FAT3: variants seen among roughly 807,000 people sequenced by gnomAD.
FAT3 encodes protocadherin Fat 3.
Under a neutral mutation model 310.2 loss-of-function variants are expected in FAT3, and 95 were observed. The observed-to-expected ratio is 0.31, with a 90% CI of 0.26 to 0.36. FAT3 has a LOEUF of 0.36. FAT3 is among the 10% of genes least tolerant of loss of function. The probability of loss-of-function intolerance (pLI) is 1.00; values close to 1 mark genes in which losing one functional copy is unlikely to be tolerated. For synonymous variants in FAT3, 2,314 were observed against 2,192.9 expected, an observed-to-expected ratio of 1.06 and a Z score of -1.54; for missense variants, 5,408 against 5,715.6, an observed-to-expected ratio of 0.95 and a Z score of 1.74.
chr11:92,480,713 G>C (rs1395160302), intron 2 of FAT3, among the ~76,000 whole-genome samples: 2 of 152,136 alleles, frequency 1.3e-5, no homozygotes, highest in African/African-American at 4.8e-5. Context: ...TTTTTTGTGT[G>C]ACTGTAAGTG....
intron 4 of FAT3, among the ~76,000 whole-genome samples, chr11:92,706,039 G>T (rs537174462): frequency 3.3e-5 from 5 of 151,780 alleles, no homozygotes; most frequent in African/African-American, 1.2e-4. Flanking sequence ...AGTGGTGGCA[G>T]TGGTGATGAT....
intron 1 of FAT3, among the ~76,000 whole-genome samples, chr11:92,257,243 C>T (rs1369291326): frequency 6.6e-6 from 1 of 152,074 alleles, no homozygotes. Context: ...CTAGGATTGT[C>T]TTGTCTCCTT....
In FAT3 at chr11:92,354,266, T is replaced by C. The variant is rs982502822; in HGVS notation, c.2154T>C (p.Ile718=). 1.1e-5 allele frequency: 17 copies of C among 1,613,612 alleles called. No homozygotes were observed. Among genetic ancestry groups the C allele is most frequent in the Non-Finnish European group, 1.4e-5 (17 of 1,179,858 alleles). The part of the protein sequence containing the change: ...LEDGFLDFYS[I]NRQGPYFDKS... ...ATGGATTTCTTGACTTTTATTCAAT[T>C]AATAGACAGGGACCATATTTTGACA... The change falls in exon 2 of 28, where the codon ATT becomes ATC. Residue 718 remains isoleucine (I), a synonymous_variant. Transcript: ENST00000525166.
intron 13 of FAT3, among the ~76,000 whole-genome samples, chr11:92,829,852 T>C (rs1164038217): frequency 6.6e-6 from 1 of 152,230 alleles, no homozygotes; most frequent in African/African-American, 2.4e-5. Flanking sequence ...GTTGACCTTT[T>C]GGTTAAAGCC....
chr11:92,388,067 A>C (rs1456528857), intron 2 of FAT3, among the ~76,000 whole-genome samples: 2 of 152,210 alleles, frequency 1.3e-5, no homozygotes, highest in Non-Finnish European at 1.5e-5. Context: ...GGCAGCATTT[A>C]GAAGCAGAGA....
rs1484010466 is a variant in FAT3, at chr11:92,890,964, T to C, written c.13621T>C (p.Ser4541Pro). 1.9e-6 allele frequency: 3 copies of C among 1,613,838 alleles called. No individual in the cohort carries two copies. In the African/African-American group the frequency reaches 4.0e-5, roughly 22 times the overall value. The change falls in exon 28 of 28, where the codon TCC becomes CCC. Residue 4541 changes from serine (S) to proline (P), a missense_variant. By Grantham distance (74) the Ser-to-Pro change is moderately conservative. This residue lies in a region of FAT3 where 649 missense variants were observed against 666.2 expected (regional missense o/e 0.97). Coordinates refer to ENST00000525166, the MANE Select transcript of FAT3 (RefSeq NM_001367949.2). ...CAGCGTGTCTCTGTCCTTGCACAATTCCAGAGGCACCTCATCCTCGGATGT... is the reference window on the plus strand; with the variant it reads ...CAGCGTGTCTCTGTCCTTGCACAATCCCAGAGGCACCTCATCCTCGGATGT... ...ADSVSLSLHN[S>P]RGTSSSDVSA...
chr11:92,271,545 A>C (rs1044733647), intron 1 of FAT3, among the ~76,000 whole-genome samples: 2 of 152,136 alleles, frequency 1.3e-5, no homozygotes, highest in Non-Finnish European at 2.9e-5. Context: ...TCTGTCTTCT[A>C]CTGCACAAGC....
At chr11:92,460,284 T>C (rs889183319) in intron 2 of FAT3, among the ~76,000 whole-genome samples, 1 of 152,210 alleles carries the variant, frequency 6.6e-6, no homozygotes, top group Non-Finnish European at 1.5e-5. Flanking sequence ...TGTGTTTTTA[T>C]TTTCTAGTGA....
intron 3 of FAT3, among the ~76,000 whole-genome samples, chr11:92,631,063 T>G (rs1004208077): frequency 6.6e-6 from 1 of 152,226 alleles, no homozygotes; most frequent in Non-Finnish European, 1.5e-5. Context: ...AATTTTGATA[T>G]TTATTTCCCT....
intron 2 of FAT3, among the ~76,000 whole-genome samples, chr11:92,431,453 C>T (rs1477578196): frequency 1.3e-5 from 2 of 152,122 alleles, no homozygotes; most frequent in East Asian, 3.9e-4. Context: ...TTCTCCTATT[C>T]TGTAGGTTGC....
intron 3 of FAT3, among the ~76,000 whole-genome samples, chr11:92,685,724 T>TATTC (rs1400536072): frequency 3.3e-5 from 5 of 152,016 alleles, no homozygotes; most frequent in Admixed American, 3.3e-4. Context: ...TCTTAAAAGG[T>TATTC]ATTCCTTTAA....
intron 2 of FAT3, among the ~76,000 whole-genome samples, chr11:92,521,525 A>G (rs1456129450): frequency 6.6e-6 from 1 of 152,124 alleles, no homozygotes; most frequent in East Asian, 1.9e-4. Context: ...GCTATGCCAC[A>G]CACGCATTTT....
intron 3 of FAT3, among the ~76,000 whole-genome samples, chr11:92,659,283 T>C (rs1942690608): frequency 6.6e-6 from 1 of 152,218 alleles, no homozygotes; most frequent in East Asian, 1.9e-4. Flanking sequence ...AAGTTCTTGT[T>C]ATTTCTGTTA....
chr11:92,674,745 C>A (rs1325226105), intron 3 of FAT3, among the ~76,000 whole-genome samples: 1 of 151,950 alleles, frequency 6.6e-6, no homozygotes, highest in Non-Finnish European at 1.5e-5. Flanking sequence ...CTCAGCCTGG[C>A]CTCAAGCTCC....
chr11:92,441,134 T>A (rs975871534), intron 2 of FAT3, among the ~76,000 whole-genome samples: 1 of 152,250 alleles, frequency 6.6e-6, no homozygotes, highest in African/African-American at 2.4e-5. Flanking sequence ...GAAATTAAAA[T>A]GTTAATGGAA....
intron 3 of FAT3, among the ~76,000 whole-genome samples, chr11:92,603,501 T>G (rs1432717771): frequency 6.6e-6 from 1 of 152,220 alleles, no homozygotes; most frequent in African/African-American, 2.4e-5. Context: ...TACTGGAATT[T>G]CACAAGTTCC....
At chr11:92,461,066 A>T (rs904820398) in intron 2 of FAT3, among the ~76,000 whole-genome samples, 11 of 152,216 alleles carry the variant, frequency 7.2e-5, no homozygotes, top group African/African-American at 2.7e-4. Context: ...TTGTCTTTAT[A>T]CAAAATTTTG....
At chr11:92,625,928 C>G (rs1033177149) in intron 3 of FAT3, among the ~76,000 whole-genome samples, 1 of 152,162 alleles carries the variant, frequency 6.6e-6, no homozygotes, top group Non-Finnish European at 1.5e-5. Context: ...AATTAAAGTA[C>G]TGAAATTAAT....
intron 7 of FAT3, among the ~76,000 whole-genome samples, chr11:92,780,355 T>C (rs1404378383): frequency 6.6e-6 from 1 of 151,682 alleles, no homozygotes; most frequent in Admixed American, 6.6e-5. Context: ...TAGAGGTGGG[T>C]TTTTACCACG....
Sources: gnomAD v4.1 joint callset for allele counts (sites outside exome capture counted in the v4.1 genomes callset) on GRCh38, gnomAD v4.1.1 for gene constraint, gnomAD v4.1.1 regional missense constraint, MANE v1.5 for transcripts, NCBI Gene and HGNC (gene_info 2026-07-23, HGNC 2026-07-21) for gene names.